The following RFX6 variants were observed in gnomAD, a reference collection of about 807,000 sequenced individuals.
RFX6 encodes the protein regulatory factor X6, also known as DNA-binding protein RFX6.
In RFX6, 50 loss-of-function variants were observed where a neutral mutation model predicts 110.8. The ratio of observed to expected loss-of-function variants is 0.45; its 90% CI spans 0.36 to 0.57. The LOEUF (loss-of-function observed/expected upper bound fraction) is 0.57, where lower values mean the gene tolerates loss of function less well. RFX6 is among the 20% of genes least tolerant of loss of function. The probability of loss-of-function intolerance (pLI) is 0.00; values close to 1 mark genes in which losing one functional copy is unlikely to be tolerated. For missense variants in RFX6, 990 were observed against 1,127.0 expected (o/e 0.88, Z 1.74); for synonymous variants, 383 against 411.2 (o/e 0.93, Z 0.83).
At chr6:116,879,667 C>G (rs1477261353) in intron 2 of RFX6, among the ~76,000 whole-genome samples, 1 of 151,822 alleles carries the variant, frequency 6.6e-6, no homozygotes, top group East Asian at 1.9e-4. Context: ...TATTATCTTA[C>G]TATACATAAA....
chr6:116,902,227 A>G lies in RFX6; in HGVS notation c.672+7020A>G, dbSNP rs952023530. On this transcript the variant is annotated intron_variant, in intron 6 of 18. Coordinates refer to ENST00000332958, the MANE Select transcript of RFX6 (RefSeq NM_173560.4). ...CCAGAACACTATTTCTTGTGGGAGA[A>G]GAAGGGAATGAAATTAGGCAAGGCT... Among the ~76,000 whole-genome samples the G allele has an allele frequency of 6.6e-5, 10 of 152,084 alleles. No homozygotes were observed. The South Asian group carries it at 1.0e-3, about 16-fold the overall frequency.
At chr6:116,877,987 G>T in intron 2 of RFX6, 35 bp downstream of exon 2, 1 of 1,604,328 alleles carries the variant, frequency 6.2e-7, no homozygotes, top group Non-Finnish European at 8.5e-7. Flanking sequence ...TGAAGCACCT[G>T]TTGACGTTTT....
intron 18 of RFX6, among the ~76,000 whole-genome samples, chr6:116,929,732 C>A (rs964355393): frequency 2.0e-5 from 3 of 152,148 alleles, no homozygotes; most frequent in Non-Finnish European, 2.9e-5. Context: ...CACTAAGTAT[C>A]AAAGCAGAGT....
chr6:116,900,863 G>A (rs1482039005), intron 6 of RFX6, among the ~76,000 whole-genome samples: 1 of 152,096 alleles, frequency 6.6e-6, no homozygotes, highest in East Asian at 1.9e-4. Flanking sequence ...GGACACAGAA[G>A]CAAATATATG....
intron 9 of RFX6, among the ~76,000 whole-genome samples, chr6:116,916,553 T>C (rs184510880): frequency 6.6e-6 from 1 of 152,234 alleles, no homozygotes; most frequent in African/African-American, 2.4e-5. Flanking sequence ...AATGAGTCTA[T>C]ATGTGACACA....
At chr6:116,923,362 T>C in intron 14 of RFX6, 138 bp downstream of exon 14, 1 of 681,996 alleles carries the variant, frequency 1.5e-6, no homozygotes, top group Non-Finnish European at 2.7e-6. Context: ...GAGAAAATGG[T>C]ATTTATGAGC....
intron 4 of RFX6, 119 bp from the exon 5 acceptor site, chr6:116,893,868 A>G: frequency 1.3e-6 from 1 of 743,920 alleles, no homozygotes; most frequent in South Asian, 1.4e-5. Context: ...ATGTCAGAAA[A>G]GAAAGGTCAT....
chr6:116,924,629 T>G (rs1562147634), intron 14 of RFX6, 40 bp from the exon 15 acceptor site: 9 of 1,588,428 alleles, frequency 5.7e-6, no homozygotes, highest in Non-Finnish European at 7.8e-6. Context: ...CCTTTTTACA[T>G]TTCACACTGT....
intron 4 of RFX6, chr6:116,885,017 A>T (rs1774670147): frequency 6.6e-6 from 1 of 152,132 alleles, no homozygotes; most frequent in Non-Finnish European, 1.5e-5. Context: ...GTAAATAGTA[A>T]TTTTTTTGAC....
At chr6:116,922,257 T>G in intron 13 of RFX6, 106 bp downstream of exon 13, 1 of 726,016 alleles carries the variant, frequency 1.4e-6, no homozygotes, top group Non-Finnish European at 2.5e-6. Context: ...GCTGTGTGTG[T>G]AAAGGCTTTG....
At chr6:116,917,064 G>C (rs1005318879) in intron 9 of RFX6, among the ~76,000 whole-genome samples, 2 of 152,098 alleles carry the variant, frequency 1.3e-5, no homozygotes, top group African/African-American at 4.8e-5. Flanking sequence ...AAACATTTAG[G>C]AAATAAAATC....
intron 6 of RFX6, among the ~76,000 whole-genome samples, chr6:116,897,085 T>C (rs1437048107): frequency 6.6e-6 from 1 of 152,038 alleles, no homozygotes; most frequent in Non-Finnish European, 1.5e-5. Flanking sequence ...GTAACTAGGT[T>C]TAGGGAGTTA....
intron 4 of RFX6, among the ~76,000 whole-genome samples, chr6:116,891,799 A>C (rs1774836517): frequency 6.6e-6 from 1 of 152,202 alleles, no homozygotes; most frequent in Non-Finnish European, 1.5e-5. Context: ...TTATGACTTA[A>C]GTAAGCTTCT....
At position 116,880,679 on chromosome 6, in the gene RFX6, G is replaced by C; in HGVS notation, c.504+12G>C. ...CCACCTTTGGAAAGGTAAATGACACGTATTGGCTATAGTGACTTATAACTA... is the reference window on the plus strand; with the variant it reads ...CCACCTTTGGAAAGGTAAATGACACCTATTGGCTATAGTGACTTATAACTA... On this transcript the variant is annotated intron_variant, in intron 3 of 18. Transcript: ENST00000332958. The C allele has an allele frequency of 6.2e-7, 1 of 1,613,052 alleles. No individual in the cohort carries two copies. Among genetic ancestry groups the C allele is most frequent in the Non-Finnish European group, 8.5e-7 (1 of 1,179,178 alleles).
At chr6:116,903,400 A>T (rs1046898479) in intron 6 of RFX6, among the ~76,000 whole-genome samples, 5 of 152,020 alleles carry the variant, frequency 3.3e-5, no homozygotes, top group Admixed American at 1.3e-4. Flanking sequence ...TTTCTTTAGC[A>T]TGCTAACATT....
chr6:116,898,485 A>T (rs1479795252), intron 6 of RFX6, among the ~76,000 whole-genome samples: 1 of 152,100 alleles, frequency 6.6e-6, no homozygotes, highest in Non-Finnish European at 1.5e-5. Flanking sequence ...ACACACCACC[A>T]CACCCAGCTA....
At chr6:116,903,192 T>G (rs1020643484) in intron 6 of RFX6, among the ~76,000 whole-genome samples, 2 of 152,042 alleles carry the variant, frequency 1.3e-5, no homozygotes, top group African/African-American at 4.8e-5. Context: ...ATTATTCGAT[T>G]TATGCAATTT....
At chr6:116,905,235 C>T (rs1775172282) in intron 6 of RFX6, among the ~76,000 whole-genome samples, 1 of 152,106 alleles carries the variant, frequency 6.6e-6, no homozygotes, top group African/African-American at 2.4e-5. Flanking sequence ...TAGTAGCCAT[C>T]CCAGTGGGTG....
At chr6:116,916,663 T>C (rs146355069) in intron 9 of RFX6, among the ~76,000 whole-genome samples, 1,684 of 152,222 alleles carry the variant, frequency 0.011, 29 homozygotes, top group Admixed American at 0.041. Flanking sequence ...GCCAGTGTTT[T>C]GGCAGAAAGC....
Sources: allele counts gnomAD v4.1 joint callset (sites outside exome capture counted in the v4.1 genomes callset), GRCh38; gene constraint gnomAD v4.1.1; transcripts MANE v1.5; gene names NCBI Gene and HGNC (gene_info 2026-07-23, HGNC 2026-07-21).